SHTN1: variants seen among roughly 807,000 people sequenced by gnomAD.
SHTN1 encodes shootin-1.
A neutral mutation model predicts 83.1 loss-of-function variants in SHTN1; 42 were observed. The ratio of observed to expected loss-of-function variants is 0.51; its 90% CI spans 0.39 to 0.65. The LOEUF is 0.65. SHTN1 is among the 30% of genes least tolerant of loss of function. The pLI is 0.00. For synonymous variants in SHTN1, 224 were observed against 247.7 expected (o/e 0.90, Z 0.90); for missense variants, 622 against 737.8 (o/e 0.84, Z 1.82).
intron 7 of SHTN1, among the ~76,000 whole-genome samples, chr10:116,945,821 C>T (rs1849554746): frequency 6.6e-6 from 1 of 152,080 alleles, no homozygotes; most frequent in African/African-American, 2.4e-5. Flanking sequence ...AATATGGAAA[C>T]AGCCCAAAGT....
intron 1 of SHTN1, among the ~76,000 whole-genome samples, chr10:116,984,049 G>A (rs1179902027): frequency 6.6e-6 from 1 of 152,152 alleles, no homozygotes; most frequent in Non-Finnish European, 1.5e-5. Flanking sequence ...CTACAAGCCA[G>A]TAACACCTCT....
intron 1 of SHTN1, among the ~76,000 whole-genome samples, chr10:116,991,456 G>T (rs1048933125): frequency 1.3e-5 from 2 of 152,188 alleles, no homozygotes; most frequent in Non-Finnish European, 2.9e-5. Flanking sequence ...CTGGCAGAAG[G>T]CGAAGGGGAA....
intron 2 of SHTN1, among the ~76,000 whole-genome samples, chr10:117,042,393 G>A (rs1852595756): frequency 6.6e-6 from 1 of 151,986 alleles, no homozygotes; most frequent in Admixed American, 6.6e-5. Flanking sequence ...TCCTCCTTCT[G>A]CTCCCCTCTC....
chr10:117,023,514 T>C (rs576268860), intron 2 of SHTN1, among the ~76,000 whole-genome samples: 31 of 152,332 alleles, frequency 2.0e-4, no homozygotes, highest in East Asian at 5.8e-4. Flanking sequence ...CCTAGACTAA[T>C]TGAAATAGCA....
At chr10:116,957,781 T>C (rs1262429099) in intron 4 of SHTN1, among the ~76,000 whole-genome samples, 1 of 151,886 alleles carries the variant, frequency 6.6e-6, no homozygotes, top group Admixed American at 6.6e-5. Flanking sequence ...TATGAGGAAC[T>C]GGGCGCAGTG....
intron 12 of SHTN1, among the ~76,000 whole-genome samples, chr10:116,917,923 G>A (rs538987254): frequency 2.4e-4 from 37 of 152,182 alleles, no homozygotes; most frequent in Non-Finnish European, 4.7e-4. Flanking sequence ...CAAGAGCAAC[G>A]CTAGGTTAGC....
At position 116,903,606 on chromosome 10, in the gene SHTN1, C is replaced by G. The variant is rs531359389; in HGVS notation, c.1481-1649G>C. On this transcript the variant is annotated intron_variant, in intron 15 of 16. Coordinates refer to ENST00000355371, the MANE Select transcript of SHTN1 (RefSeq NM_001127211.3). The stretch of plus-strand genomic sequence containing the variant: ...AGCTGTGGCAGTTACGACAGAAGGG[C>G]AGAACAGAAAGATCAATTAATTTTA... Among the ~76,000 whole-genome samples, 23 of 152,144 alleles carry G rather than the reference C, an allele frequency of 1.5e-4. No individual in the cohort carries two copies. The East Asian group carries it at 4.2e-3, about 28-fold the overall frequency.
In SHTN1 at chr10:116,940,849, T is replaced by C. The variant is rs1228333666; in HGVS notation, c.712-237A>G. On this transcript the variant is annotated intron_variant, in intron 8 of 16. Coordinates refer to ENST00000355371, the MANE Select transcript of SHTN1 (RefSeq NM_001127211.3). Reference sequence around the variant, plus strand: ...ACAATAAGCTGGTCTTACTCTTCAGTTTTTAATATTTTATTATTGCTTTAA... The same window carrying C: ...ACAATAAGCTGGTCTTACTCTTCAGCTTTTAATATTTTATTATTGCTTTAA... Among the ~76,000 whole-genome samples, 6 of 152,300 alleles carry C rather than the reference T, an allele frequency of 3.9e-5. No homozygotes were observed. In the East Asian group the frequency reaches 1.2e-3, roughly 29 times the overall value.
intron 14 of SHTN1, among the ~76,000 whole-genome samples, chr10:116,908,483 T>A (rs187003898): frequency 5.7e-4 from 87 of 152,302 alleles, no homozygotes; most frequent in Admixed American, 3.3e-4. Flanking sequence ...AAAAAAGTAC[T>A]ACAACAACTA....
In SHTN1 at chr10:116,885,192, C is replaced by T. The variant is rs1278088906; in HGVS notation, c.*1152G>A. 6.6e-6 allele frequency: 1 copy of T among 152,620 alleles called. No homozygotes were observed. Among genetic ancestry groups the T allele is most frequent in the Non-Finnish European group, 1.5e-5 (1 of 68,044 alleles). 9.5% of individuals were successfully genotyped at this position (152,620 alleles called of 1,614,324 possible). A position where few individuals can be genotyped will look rare whatever the true frequency, so the allele number is the denominator to read the frequency against. ...TTGCCCTTAGGTGAAAAACACCTGACAGCTACATGCTGAGCCATGCTAACA... is the reference window on the plus strand; with the variant it reads ...TTGCCCTTAGGTGAAAAACACCTGATAGCTACATGCTGAGCCATGCTAACA... On this transcript the variant is annotated 3_prime_UTR_variant, in exon 17 of 17. Transcript: ENST00000355371.
intron 1 of SHTN1, among the ~76,000 whole-genome samples, chr10:117,053,262 CTTG>C (rs1852775401): frequency 6.6e-6 from 1 of 151,652 alleles, no homozygotes; most frequent in African/African-American, 2.4e-5. Flanking sequence ...AATAGATAAA[CTTG>C]ACTTGGTCAA....
intron 11 of SHTN1, among the ~76,000 whole-genome samples, chr10:116,927,132 C>T (rs1316831358): frequency 3.3e-5 from 5 of 152,248 alleles, no homozygotes; most frequent in East Asian, 1.9e-4. Context: ...AGCATGTTTA[C>T]GTTTTCATTT....
At chr10:117,005,568 G>A (rs1851990806), upstream of SHTN1, 3 of 997,358 alleles carry the variant, frequency 3.0e-6, no homozygotes, top group Non-Finnish European at 3.6e-6. Flanking sequence ...GAGGTAGAGC[G>A]GGACGCAATG....
intron 7 of SHTN1, 84 bp from the exon 8 acceptor site, chr10:116,945,102 G>C: frequency 1.2e-6 from 1 of 863,630 alleles, no homozygotes; most frequent in Non-Finnish European, 1.9e-6. Flanking sequence ...GTGTTGAAAA[G>C]ATTTTTCATA....
intron 1 of SHTN1, among the ~76,000 whole-genome samples, chr10:117,091,435 T>C (rs1234726719): frequency 6.6e-6 from 1 of 152,186 alleles, no homozygotes; most frequent in Non-Finnish European, 1.5e-5. Context: ...ATGACAGACA[T>C]GACCTTTCCC....
chr10:117,007,101 C>T (rs945440308), upstream of SHTN1, among the ~76,000 whole-genome samples: 2 of 151,728 alleles, frequency 1.3e-5, no homozygotes, highest in African/African-American at 2.4e-5. Flanking sequence ...CCTAGGTATG[C>T]GTAAGATAAT....
intron 1 of SHTN1, among the ~76,000 whole-genome samples, chr10:116,984,754 A>G (rs1851165606): frequency 6.6e-6 from 1 of 152,122 alleles, no homozygotes; most frequent in Non-Finnish European, 1.5e-5. Flanking sequence ...CATTCTTTAC[A>G]CAGCAGTTAG....
At chr10:116,958,290 G>C (rs755000873) in intron 4 of SHTN1, among the ~76,000 whole-genome samples, 13 of 152,084 alleles carry the variant, frequency 8.5e-5, no homozygotes, top group Non-Finnish European at 1.8e-4. Context: ...ATTCAAAGCA[G>C]TCTTTCACAA....
chr10:117,011,956 C>G (rs1045002035), intron 2 of SHTN1, among the ~76,000 whole-genome samples: 3 of 151,882 alleles, frequency 2.0e-5, no homozygotes, highest in Non-Finnish European at 4.4e-5. Flanking sequence ...CTGGCTAACA[C>G]GGTGAAACCC....
Sources: gnomAD v4.1 joint callset for allele counts (sites outside exome capture counted in the v4.1 genomes callset) on GRCh38, gnomAD v4.1.1 for gene constraint, MANE v1.5 for transcripts, NCBI Gene and HGNC (gene_info 2026-07-23, HGNC 2026-07-21) for gene names.